C8orf34: variants seen among roughly 807,000 people sequenced by gnomAD.
C8orf34 encodes uncharacterized protein C8orf34.
A neutral mutation model predicts 68.3 loss-of-function variants in C8orf34; 65 were observed. The ratio of observed to expected loss-of-function variants is 0.95; its 90% CI spans 0.78 to 1.17. The LOEUF (loss-of-function observed/expected upper bound fraction) is 1.17, where lower values mean the gene tolerates loss of function less well. Ranked by LOEUF, C8orf34 falls within the 50% of genes most tolerant of loss-of-function variation. The pLI, the probability that C8orf34 is intolerant of heterozygous loss-of-function variation, is 0.00. For synonymous variants in C8orf34, 244 were observed against 241.2 expected, an observed-to-expected ratio of 1.01 and a Z score of -0.11; for missense variants, 664 against 655.4, an observed-to-expected ratio of 1.01 and a Z score of -0.14.
intron 8 of C8orf34, among the ~76,000 whole-genome samples, chr8:68,644,218 T>C (rs1585663656): frequency 1.3e-5 from 2 of 152,284 alleles, no homozygotes; most frequent in East Asian, 1.9e-4. Context: ...TAGGAGCTTA[T>C]ATACCCTCTT....
chr8:68,370,308 G>A (rs1016299540), intron 1 of C8orf34, among the ~76,000 whole-genome samples: 1 of 152,018 alleles, frequency 6.6e-6, no homozygotes, highest in African/African-American at 2.4e-5. Flanking sequence ...TTATTATTTT[G>A]TCTCTGTTGC....
chr8:68,442,232 G>A (rs545100854), intron 2 of C8orf34, among the ~76,000 whole-genome samples: 1 of 152,070 alleles, frequency 6.6e-6, no homozygotes, highest in South Asian at 2.1e-4. Flanking sequence ...CACCAATTAT[G>A]GAAAGTCACC....
At chr8:68,421,347 G>A (rs753142918) in intron 1 of C8orf34, among the ~76,000 whole-genome samples, 2 of 152,084 alleles carry the variant, frequency 1.3e-5, no homozygotes, top group Non-Finnish European at 2.9e-5. Context: ...CCTCAGATTG[G>A]GAGCCAAAGA....
chr8:68,453,797 C>G (rs1280899468), intron 3 of C8orf34, among the ~76,000 whole-genome samples: 1 of 151,868 alleles, frequency 6.6e-6, no homozygotes, highest in Non-Finnish European at 1.5e-5. Context: ...GCTAGAAATT[C>G]CAATACAAGG....
chr8:68,538,688 A>G (rs892213259), intron 7 of C8orf34, among the ~76,000 whole-genome samples: 8 of 152,154 alleles, frequency 5.3e-5, no homozygotes, highest in Non-Finnish European at 1.2e-4. Flanking sequence ...TAAAGGCTTG[A>G]AAAGATAAGA....
intron 7 of C8orf34, among the ~76,000 whole-genome samples, chr8:68,629,191 A>G: frequency 6.6e-6 from 1 of 152,220 alleles, no homozygotes; most frequent in East Asian, 1.9e-4. Context: ...CAGATGGTCT[A>G]TAGCTCCATT....
intron 1 of C8orf34, among the ~76,000 whole-genome samples, chr8:68,361,860 G>C (rs996429713): frequency 6.6e-6 from 1 of 152,186 alleles, no homozygotes; most frequent in Non-Finnish European, 1.5e-5. Context: ...CACAAAGCAG[G>C]CTGAACCTTT....
At chr8:68,564,099 T>A (rs1001577411) in intron 7 of C8orf34, among the ~76,000 whole-genome samples, 1 of 152,202 alleles carries the variant, frequency 6.6e-6, no homozygotes. Context: ...GTCAATAGTT[T>A]CTCAGTAAGG....
At chr8:68,780,901 G>A (rs2953946) in intron 11 of C8orf34, among the ~76,000 whole-genome samples, 7,981 of 152,210 alleles carry the variant, frequency 0.052, 311 homozygotes, top group Non-Finnish European at 0.078. Context: ...GATTTTTAAC[G>A]GAAGGATTAA....
At chr8:68,475,993 C>T (rs1379589220) in intron 4 of C8orf34, among the ~76,000 whole-genome samples, 1 of 152,188 alleles carries the variant, frequency 6.6e-6, no homozygotes, top group Non-Finnish European at 1.5e-5. Flanking sequence ...TAGCAACCTG[C>T]ACTCAGCCAA....
chr8:68,635,974 G>T (rs897833011), intron 7 of C8orf34, among the ~76,000 whole-genome samples: 1 of 152,188 alleles, frequency 6.6e-6, no homozygotes, highest in Non-Finnish European at 1.5e-5. Context: ...TAGAACGGGA[G>T]TTAGCCACTA....
chr8:68,535,401 C>T (rs1815422662), intron 7 of C8orf34: 1 of 983,806 alleles, frequency 1.0e-6, no homozygotes, highest in Non-Finnish European at 1.2e-6. Flanking sequence ...ATTTATTATG[C>T]ATGGAAAGCA....
At chr8:68,426,912 AT>A (rs1211700986) in intron 1 of C8orf34, among the ~76,000 whole-genome samples, 2 of 152,174 alleles carry the variant, frequency 1.3e-5, no homozygotes, top group Admixed American at 6.5e-5. Flanking sequence ...ACAAAATCCT[AT>A]TAGAAAATAG....
chr8:68,494,460 T>C (rs1342766464), intron 5 of C8orf34, among the ~76,000 whole-genome samples: 1 of 152,166 alleles, frequency 6.6e-6, no homozygotes, highest in Admixed American at 6.6e-5. Flanking sequence ...CGCACAGAGA[T>C]TGGCTGCACA....
chr8:68,748,685 A>G (rs1822592903), intron 10 of C8orf34, among the ~76,000 whole-genome samples: 2 of 151,724 alleles, frequency 1.3e-5, no homozygotes, highest in Admixed American at 6.6e-5. Flanking sequence ...AACCACAATG[A>G]GATACCATCT....
Position 68,341,586 on chromosome 8 carries a change from G to A in C8orf34, c.327+10247G>A, listed in dbSNP as rs766344931. Among the ~76,000 whole-genome samples, 72 of 152,156 alleles carry A rather than the reference G, an allele frequency of 4.7e-4. 1 individual carries two copies. The highest frequency in any genetic ancestry group is 1.2e-4 in the Non-Finnish European group (8 of 67,998). Reference sequence around the variant, plus strand: ...GGTGGGGCCTGGTGGGAAGTGTTTGGGTCCTGGTGGCAGATCCCTCATGGC... The same window carrying A: ...GGTGGGGCCTGGTGGGAAGTGTTTGAGTCCTGGTGGCAGATCCCTCATGGC... On this transcript the variant is annotated intron_variant, in intron 1 of 13. Coordinates refer to ENST00000518698, the MANE Select transcript of C8orf34 (RefSeq NM_052958.4).
chr8:68,581,985 AG>A (rs1817079184), intron 7 of C8orf34, among the ~76,000 whole-genome samples: 1 of 152,014 alleles, frequency 6.6e-6, no homozygotes, highest in East Asian at 1.9e-4. Context: ...AGTGTAGAGG[AG>A]GTAAAAACAA....
In C8orf34 at chr8:68,731,017, G is replaced by C. The variant is rs1166405075; in HGVS notation, c.1404+9580G>C. On this transcript the variant is annotated intron_variant, in intron 10 of 13. Transcript: ENST00000518698. ...TAGAAATGGGCTGAAGAGAAAAAAA[G>C]TAATATGGATTATGTTTGTGTTTCG... Among the ~76,000 whole-genome samples the C allele has an allele frequency of 4.6e-5, 7 of 152,316 alleles. No homozygotes were observed. The East Asian group carries it at 1.4e-3, about 29-fold the overall frequency.
chr8:68,663,625 C>T (rs1819751357), intron 8 of C8orf34, among the ~76,000 whole-genome samples: 2 of 152,176 alleles, frequency 1.3e-5, no homozygotes, highest in Admixed American at 1.3e-4. Flanking sequence ...AGCCAGAGGA[C>T]CCCTGCTATG....
Sources: allele counts gnomAD v4.1 joint callset (sites outside exome capture counted in the v4.1 genomes callset), GRCh38; gene constraint gnomAD v4.1.1; transcripts MANE v1.5; gene names NCBI Gene and HGNC (gene_info 2026-07-23, HGNC 2026-07-21).